The following ZC3H8 variants were observed in gnomAD, a reference collection of about 807,000 sequenced individuals.
ZC3H8 encodes zinc finger CCCH domain-containing protein 8.
A neutral mutation model predicts 42.5 loss-of-function variants in ZC3H8; 27 were observed. The ratio of observed to expected loss-of-function variants is 0.64; its 90% CI spans 0.47 to 0.88. The LOEUF (loss-of-function observed/expected upper bound fraction) is 0.88. ZC3H8 is among the 40% of genes least tolerant of loss of function. The pLI is 0.00. For missense variants in ZC3H8, 277 were observed against 336.1 expected (o/e 0.82, Z 1.37); for synonymous variants, 101 against 110.1 (o/e 0.92, Z 0.52).
chr2:112,217,543 T>C (rs1238928342), intron 8 of ZC3H8, among the ~76,000 whole-genome samples: 5 of 152,364 alleles, frequency 3.3e-5, no homozygotes, highest in African/African-American at 7.2e-5. Context: ...AATTCTGTCA[T>C]ATTGTGCATT....
In ZC3H8 at chr2:112,238,860, A is replaced by G. The variant is rs117752089; in HGVS notation, c.157-332T>C. Among the ~76,000 whole-genome samples, 100 of 152,370 alleles carry G rather than the reference A, an allele frequency of 6.6e-4. 1 individual carries two copies. In the East Asian group the frequency reaches 0.018, roughly 28 times the overall value. ...CTAAATCTTAATTATTTGATATGAG[A>G]GGATTACAGTATTACAGTTCACACA... On this transcript the variant is annotated intron_variant, in intron 2 of 8. Transcript: ENST00000409573.
At chr2:112,230,845 C>A in intron 8 of ZC3H8, 58 bp downstream of exon 8, 3 of 1,163,174 alleles carry the variant, frequency 2.6e-6, no homozygotes, top group Non-Finnish European at 3.4e-6. Flanking sequence ...AGGTTGCATG[C>A]CAACTTCTGG....
intron 8 of ZC3H8, among the ~76,000 whole-genome samples, chr2:112,222,294 G>A (rs1053496770): frequency 3.3e-5 from 5 of 152,226 alleles, no homozygotes; most frequent in South Asian, 2.1e-4. Flanking sequence ...GAGTAAACAC[G>A]GGGTTGCACC....
chr2:112,236,677 T>G lies in ZC3H8; in HGVS notation c.389A>C (p.Lys130Thr). Reference protein sequence around the residue: ...DTPQAAKQKNKNLKAGHKNGK... With the variant: ...DTPQAAKQKNTNLKAGHKNGK... The stretch of plus-strand genomic sequence containing the variant: ...ATTCTTGTGACCAGCTTTAAGATTT[T>G]TATTTTTTTGTTTAGCAGCTAAAAA... The change falls in exon 4 of 9, where the codon AAA becomes ACA. Residue 130 changes from lysine to threonine, a missense_variant. Physicochemically the swap from Lys to Thr is moderately conservative, Grantham distance 78 (BLOSUM62 -1). Transcript: ENST00000409573. 1 of 1,611,410 alleles carries G rather than the reference T, an allele frequency of 6.2e-7. No homozygotes were observed. Among genetic ancestry groups the G allele is most frequent in the Non-Finnish European group, 8.5e-7 (1 of 1,178,992 alleles).
In ZC3H8 at chr2:112,238,315, C is replaced by A. The variant is rs758590104; in HGVS notation, c.370G>T (p.Ala124Ser). 6.2e-7 allele frequency: 1 copy of A among 1,612,794 alleles called. No homozygotes were observed. The highest frequency in any genetic ancestry group is 1.1e-5 in the South Asian group (1 of 90,924). ...KKEGVKDTPQ[A>S]AKQKNKNLKA... is the part of the protein sequence containing the mutation. Reference sequence around the variant, plus strand: ...AATGATAAAATAGTTTGACTCTTACCCTGTGGGGTATCTTTTACTCCTTCT... The same window carrying A: ...AATGATAAAATAGTTTGACTCTTACACTGTGGGGTATCTTTTACTCCTTCT... Residue 124 changes from alanine (A) to serine (S), a missense_variant and splice_region_variant, in exon 3 of 9, where the codon GCT becomes TCT. Ala to Ser is a moderately conservative substitution (Grantham distance 99). Coordinates refer to ENST00000409573, the MANE Select transcript of ZC3H8 (RefSeq NM_032494.3).
At chr2:112,228,234 G>A (rs1684931808) in intron 8 of ZC3H8, among the ~76,000 whole-genome samples, 1 of 152,146 alleles carries the variant, frequency 6.6e-6, no homozygotes, top group African/African-American at 2.4e-5. Context: ...CAGGCACAGT[G>A]GCTCACCTTT....
At chr2:112,226,589 C>CAA (rs549996878) in intron 8 of ZC3H8, among the ~76,000 whole-genome samples, 2 of 74,226 alleles carry the variant, frequency 2.7e-5, no homozygotes, top group African/African-American at 1.2e-4. Context: ...GACTCCATCT[C>CAA]AAAAAAAAAA....
chr2:112,239,397 G>A (rs915821722), intron 2 of ZC3H8, among the ~76,000 whole-genome samples: 3 of 152,046 alleles, frequency 2.0e-5, no homozygotes, highest in African/African-American at 4.8e-5. Flanking sequence ...CTGATGTCAC[G>A]AAGAAATGGC....
intron 2 of ZC3H8, among the ~76,000 whole-genome samples, chr2:112,241,726 G>A (rs1685592718): frequency 6.6e-6 from 1 of 152,150 alleles, no homozygotes; most frequent in Admixed American, 6.5e-5. Context: ...TACCTTTTAT[G>A]TTCATGACCA....
chr2:112,211,636 C>T lies in ZC3H8; in HGVS notation c.*4848G>A, dbSNP rs1684140829. ...AAGATTCACCATTTCTTATGTACTG[C>T]TAAGAAAACAATAACCTGCTAATTA... On this transcript the variant is annotated 3_prime_UTR_variant, in exon 9 of 9. Transcript: ENST00000409573. 6.6e-6 allele frequency: 1 copy of T among 152,082 alleles called. No homozygotes were observed. The highest frequency in any genetic ancestry group is 2.4e-5 in the African/African-American group (1 of 41,390). The allele number at this position is 152,082 out of a possible 1,614,324, so 9.4% of individuals were successfully genotyped here. A position where few individuals can be genotyped will look rare whatever the true frequency, so the allele number is the denominator to read the frequency against.
At chr2:112,252,943 A>G (rs1573931364) in intron 1 of ZC3H8, among the ~76,000 whole-genome samples, 1 of 152,150 alleles carries the variant, frequency 6.6e-6, no homozygotes. Flanking sequence ...GGAGATCGAG[A>G]CCATCCTGTC....
chr2:112,250,954 G>A (rs1685925095), intron 1 of ZC3H8, among the ~76,000 whole-genome samples: 1 of 152,184 alleles, frequency 6.6e-6, no homozygotes, highest in African/African-American at 2.4e-5. Flanking sequence ...ATAACAGTCT[G>A]AGACAATTAC....
chr2:112,226,282 A>T (rs1243704276), intron 8 of ZC3H8, among the ~76,000 whole-genome samples: 3 of 151,852 alleles, frequency 2.0e-5, no homozygotes, highest in Non-Finnish European at 2.9e-5. Flanking sequence ...TGAATCTGTT[A>T]TGTAAAATCT....
rs1558913534 is a variant in ZC3H8, at chr2:112,215,043, CTT to C, written c.*1439_*1440del. ...CAGAAATATAACAATTATTTTTTTC[CTT>C]ATATATAAACTTTATATATAAAATC... On this transcript the variant is annotated 3_prime_UTR_variant, in exon 9 of 9. Coordinates refer to ENST00000409573, the MANE Select transcript of ZC3H8 (RefSeq NM_032494.3). The C allele has an allele frequency of 6.6e-6, 1 of 151,698 alleles. No homozygotes were observed. Among genetic ancestry groups the C allele is most frequent in the Non-Finnish European group, 1.5e-5 (1 of 67,956 alleles). 9.4% of individuals were successfully genotyped at this position (151,698 alleles called of 1,614,324 possible). A position where few individuals can be genotyped will look rare whatever the true frequency, so the allele number is the denominator to read the frequency against.
At chr2:112,237,860 C>G (rs1685411868) in intron 3 of ZC3H8, among the ~76,000 whole-genome samples, 1 of 152,158 alleles carries the variant, frequency 6.6e-6, no homozygotes, top group African/African-American at 2.4e-5. Flanking sequence ...AGCCACCATG[C>G]CTGGCCAAAA....
intron 8 of ZC3H8, among the ~76,000 whole-genome samples, chr2:112,218,679 TAGAG>T (rs368247187): frequency 5.3e-4 from 81 of 151,766 alleles, no homozygotes; most frequent in South Asian, 3.5e-3. Context: ...TTTGGAAACA[TAGAG>T]AGAGAGAGAG....
chr2:112,239,989 A>G (rs1480987358), intron 2 of ZC3H8, among the ~76,000 whole-genome samples: 1 of 152,066 alleles, frequency 6.6e-6, no homozygotes, highest in African/African-American at 2.4e-5. Flanking sequence ...GAATCCAAAC[A>G]AGCTGAGGAA....
At chr2:112,222,765 GAAGAC>G (rs1684645383) in intron 8 of ZC3H8, among the ~76,000 whole-genome samples, 1 of 152,210 alleles carries the variant, frequency 6.6e-6, no homozygotes, top group South Asian at 2.1e-4. Flanking sequence ...TCAAGGCCTT[GAAGAC>G]AAGAGGAAAT....
At chr2:112,247,448 AG>A (rs935814614) in intron 2 of ZC3H8, among the ~76,000 whole-genome samples, 1 of 152,146 alleles carries the variant, frequency 6.6e-6, no homozygotes, top group African/African-American at 2.4e-5. Context: ...GGTGGGTGAC[AG>A]GCACCTGTAT....
Sources: gnomAD v4.1 joint callset for allele counts (sites outside exome capture counted in the v4.1 genomes callset) on GRCh38, gnomAD v4.1.1 for gene constraint, MANE v1.5 for transcripts, NCBI Gene and HGNC (gene_info 2026-07-23, HGNC 2026-07-21) for gene names.